Variants in GALNTL6 observed in about 807,000 individuals in gnomAD.
The protein encoded by GALNTL6 is polypeptide N-acetylgalactosaminyltransferase like 6.
Under a neutral mutation model 73.7 loss-of-function variants are expected in GALNTL6, and 46 were observed. The ratio of observed to expected loss-of-function variants is 0.62; its 90% confidence interval spans 0.49 to 0.80. GALNTL6 has a LOEUF of 0.80. Ranked by LOEUF, GALNTL6 falls within the 30% of genes least tolerant of loss-of-function variation. The probability of loss-of-function intolerance (pLI) is 0.00; values close to 1 mark genes in which losing one functional copy is unlikely to be tolerated. For missense variants in GALNTL6, 604 were observed against 755.0 expected (o/e 0.80, Z 2.34); for synonymous variants, 259 against 263.7 (o/e 0.98, Z 0.17).
intron 5 of GALNTL6, among the ~76,000 whole-genome samples, chr4:172,602,501 T>TCAAAGATACA (rs368680653): frequency 0.49 from 74,358 of 151,988 alleles, 19,652 homozygotes; most frequent in East Asian, 0.74. Flanking sequence ...TAGGTTTAAA[T>TCAAAGATACA]TATTTTAAAC....
At chr4:172,985,984 G>A (rs74484148) in intron 10 of GALNTL6, among the ~76,000 whole-genome samples, 17 of 152,258 alleles carry the variant, frequency 1.1e-4, no homozygotes, top group African/African-American at 4.1e-4. Flanking sequence ...GGAGAGGGGA[G>A]GTTGTTTGGA....
intron 7 of GALNTL6, among the ~76,000 whole-genome samples, chr4:172,849,673 G>A (rs1202445812): frequency 6.6e-6 from 1 of 152,132 alleles, no homozygotes; most frequent in Non-Finnish European, 1.5e-5. Flanking sequence ...CCCCAAATAA[G>A]ACACTTTCTA....
chr4:172,615,010 A>G (rs1323428572), intron 5 of GALNTL6, among the ~76,000 whole-genome samples: 1 of 152,148 alleles, frequency 6.6e-6, no homozygotes, highest in African/African-American at 2.4e-5. Context: ...GTTCTAATCA[A>G]TGAAACCATG....
intron 7 of GALNTL6, among the ~76,000 whole-genome samples, chr4:172,857,842 A>C (rs1744196577): frequency 6.6e-6 from 1 of 152,220 alleles, no homozygotes; most frequent in Non-Finnish European, 1.5e-5. Flanking sequence ...TGAGGAAGGA[A>C]ATGGCTCTTT....
In GALNTL6 at chr4:172,372,803, A is replaced by G. The variant is rs953744845; in HGVS notation, c.553+24114A>G. 2.6e-5 allele frequency among the ~76,000 whole-genome samples: 4 copies of G among 152,094 alleles called. No homozygotes were observed. The South Asian group carries it at 8.3e-4, about 32-fold the overall frequency. On this transcript the variant is annotated intron_variant, in intron 5 of 12. Transcript: ENST00000506823. ...TAGAGGGGCCTGGCTATCTCGCTGTATCCGGGGATCCATAGTCGGCAAAAG... is the reference window on the plus strand; with the variant it reads ...TAGAGGGGCCTGGCTATCTCGCTGTGTCCGGGGATCCATAGTCGGCAAAAG...
chr4:172,663,940 A>AAAG (rs112765641), intron 5 of GALNTL6, among the ~76,000 whole-genome samples: 394 of 147,068 alleles, frequency 2.7e-3, no homozygotes, highest in East Asian at 4.4e-3. Context: ...AAAAAAAAAA[A>AAAG]AAAGAAAGAA....
intron 5 of GALNTL6, among the ~76,000 whole-genome samples, chr4:172,404,481 T>G (rs1744142727): frequency 6.6e-6 from 1 of 152,122 alleles, no homozygotes. Context: ...CGTTCAAAAA[T>G]AAATTTTTCA....
chr4:172,184,638 TA>T (rs1735360736), intron 2 of GALNTL6, among the ~76,000 whole-genome samples: 1 of 152,226 alleles, frequency 6.6e-6, no homozygotes, highest in Non-Finnish European at 1.5e-5. Context: ...TATCAGTTTC[TA>T]AAAACATTTC....
At chr4:173,030,319 C>T (rs1487381935) in intron 12 of GALNTL6, among the ~76,000 whole-genome samples, 1 of 152,180 alleles carries the variant, frequency 6.6e-6, no homozygotes, top group Non-Finnish European at 1.5e-5. Flanking sequence ...CTGTTTTTAG[C>T]TGTATGTCTA....
chr4:171,884,881 C>T (rs1736563912), intron 2 of GALNTL6, among the ~76,000 whole-genome samples: 1 of 151,808 alleles, frequency 6.6e-6, no homozygotes, highest in South Asian at 2.1e-4. Flanking sequence ...CATGGTGAAA[C>T]TCTATCTCTA....
intron 2 of GALNTL6, among the ~76,000 whole-genome samples, chr4:171,981,068 GT>G (rs1739883358): frequency 6.6e-6 from 1 of 152,140 alleles, no homozygotes; most frequent in African/African-American, 2.4e-5. Flanking sequence ...TTTTGCCAAG[GT>G]TTAGGATGCC....
intron 5 of GALNTL6, among the ~76,000 whole-genome samples, chr4:172,779,613 T>C (rs552837508): frequency 6.6e-6 from 1 of 152,310 alleles, no homozygotes; most frequent in South Asian, 2.1e-4. Context: ...CAGTTCTTTG[T>C]TTCCATCACT....
At chr4:172,114,599 A>G (rs1356656814) in intron 2 of GALNTL6, among the ~76,000 whole-genome samples, 1 of 152,100 alleles carries the variant, frequency 6.6e-6, no homozygotes, top group East Asian at 1.9e-4. Context: ...GGGTATCACA[A>G]GAAAAATGTC....
Position 172,336,579 on chromosome 4 carries a change from T to C in GALNTL6, c.387-11944T>C, listed in dbSNP as rs201007472. 8.0e-4 allele frequency among the ~76,000 whole-genome samples: 122 copies of C among 152,152 alleles called. 2 individuals are homozygous for C. In the South Asian group the frequency reaches 0.016, roughly 20 times the overall value. On this transcript the variant is annotated intron_variant, in intron 4 of 12. Coordinates refer to ENST00000506823, the MANE Select transcript of GALNTL6 (RefSeq NM_001034845.3). ...CATGAGCCACCATGCCAGCCTAGATTTCTATTTTTATTCCTGTGGTCCAAA... is the reference window on the plus strand; with the variant it reads ...CATGAGCCACCATGCCAGCCTAGATCTCTATTTTTATTCCTGTGGTCCAAA...
intron 5 of GALNTL6, among the ~76,000 whole-genome samples, chr4:172,795,756 A>G (rs940679382): frequency 2.6e-5 from 4 of 152,092 alleles, no homozygotes; most frequent in Non-Finnish European, 5.9e-5. Context: ...ATTAATCTGC[A>G]TAGGCTCATA....
intron 5 of GALNTL6, among the ~76,000 whole-genome samples, chr4:172,661,458 C>T (rs979830678): frequency 2.0e-5 from 3 of 151,924 alleles, no homozygotes; most frequent in South Asian, 2.1e-4. Flanking sequence ...CTGGCTAACA[C>T]GGTGAGTAAA....
chr4:171,991,404 T>G (rs1020698691), intron 2 of GALNTL6, among the ~76,000 whole-genome samples: 2 of 152,076 alleles, frequency 1.3e-5, no homozygotes, highest in African/African-American at 4.8e-5. Context: ...TTTTTTTCTG[T>G]GGTGATTTTT....
At chr4:172,929,019 T>G (rs1748197592) in intron 8 of GALNTL6, among the ~76,000 whole-genome samples, 1 of 152,192 alleles carries the variant, frequency 6.6e-6, no homozygotes, top group African/African-American at 2.4e-5. Context: ...TGTTTATTGT[T>G]GCCTTTTTAT....
intron 5 of GALNTL6, among the ~76,000 whole-genome samples, chr4:172,593,945 T>C (rs887864052): frequency 2.0e-5 from 3 of 152,072 alleles, no homozygotes; most frequent in Non-Finnish European, 4.4e-5. Context: ...GCTGAAAAAA[T>C]TACTATTCCA....
Sources: allele counts gnomAD v4.1 joint callset (sites outside exome capture counted in the v4.1 genomes callset), GRCh38; gene constraint gnomAD v4.1.1; transcripts MANE v1.5; gene names NCBI Gene and HGNC (gene_info 2026-07-23, HGNC 2026-07-21).